Variants in ASIC2 observed in about 807,000 individuals in gnomAD.
ASIC2 encodes the protein acid sensing ion channel subunit 2, also known as acid-sensing ion channel 2.
ASIC2 carries 25 observed loss-of-function variants against 57.3 expected under a neutral mutation model. That is an observed-to-expected ratio of 0.44 (90% CI 0.32 to 0.61). The LOEUF is 0.61. Ranked by LOEUF, ASIC2 falls within the 20% of genes least tolerant of loss-of-function variation. The probability of loss-of-function intolerance (pLI) is 0.06; values close to 1 mark genes in which losing one functional copy is unlikely to be tolerated. For synonymous variants in ASIC2, 319 were observed against 307.5 expected (o/e 1.04, Z -0.39); for missense variants, 641 against 738.1 (o/e 0.87, Z 1.52).
intron 1 of ASIC2, among the ~76,000 whole-genome samples, chr17:34,119,866 G>C (rs1234221314): frequency 6.6e-6 from 1 of 152,156 alleles, no homozygotes; most frequent in East Asian, 1.9e-4. Flanking sequence ...GCCTGACATA[G>C]GGTGAGCACT....
chr17:33,770,995 C>A (rs1216313381), intron 1 of ASIC2, among the ~76,000 whole-genome samples: 1 of 152,158 alleles, frequency 6.6e-6, no homozygotes, highest in Non-Finnish European at 1.5e-5. Flanking sequence ...ACCACTACTG[C>A]TAAAGGGGAC....
chr17:33,841,185 C>A (rs1055074027), intron 1 of ASIC2, among the ~76,000 whole-genome samples: 1 of 152,164 alleles, frequency 6.6e-6, no homozygotes, highest in African/African-American at 2.4e-5. Context: ...CACTTGTGGG[C>A]AAGTTGTTGA....
intron 1 of ASIC2, among the ~76,000 whole-genome samples, chr17:33,126,856 C>CT (rs1159710708): frequency 0.044 from 3,730 of 85,160 alleles, 299 homozygotes; most frequent in East Asian, 0.082. Flanking sequence ...TACCATTACT[C>CT]TTTTTTTTTT....
At chr17:33,099,177 T>C (rs2092199673) in intron 2 of ASIC2, among the ~76,000 whole-genome samples, 1 of 151,236 alleles carries the variant, frequency 6.6e-6, no homozygotes. Flanking sequence ...TTTGTTGTTG[T>C]TGTTATTTTT....
intron 1 of ASIC2, among the ~76,000 whole-genome samples, chr17:34,026,385 C>T (rs1907379982): frequency 6.6e-6 from 1 of 152,068 alleles, no homozygotes; most frequent in African/African-American, 2.4e-5. Flanking sequence ...ACAGGCCTGG[C>T]CTGCATAGAT....
intron 1 of ASIC2, among the ~76,000 whole-genome samples, chr17:33,398,614 T>C (rs1202818268): frequency 6.6e-6 from 1 of 152,122 alleles, no homozygotes; most frequent in African/African-American, 2.4e-5. Flanking sequence ...ATGGTGATTA[T>C]GGTGATGATG....
intron 1 of ASIC2, among the ~76,000 whole-genome samples, chr17:33,545,920 G>A (rs1915560870): frequency 6.6e-6 from 1 of 152,020 alleles, no homozygotes; most frequent in African/African-American, 2.4e-5. Flanking sequence ...CAACTATTTG[G>A]TGTTCTCCAA....
intron 1 of ASIC2, among the ~76,000 whole-genome samples, chr17:33,331,212 C>G (rs896491884): frequency 1.3e-5 from 2 of 152,174 alleles, no homozygotes; most frequent in African/African-American, 4.8e-5. Context: ...ATCCCACAAC[C>G]ACCCACCCTG....
At chr17:33,131,752 C>G (rs1830379073) in intron 1 of ASIC2, 1 of 152,288 alleles carries the variant, frequency 6.6e-6, no homozygotes. Flanking sequence ...TGTTGGCAGG[C>G]AGAGGCCTCT....
chr17:33,060,811 T>C (rs1567730406), intron 3 of ASIC2, among the ~76,000 whole-genome samples: 2 of 152,180 alleles, frequency 1.3e-5, no homozygotes, highest in African/African-American at 4.8e-5. Flanking sequence ...TGTTCTTCCA[T>C]TTGTTTTTGT....
At chr17:33,218,023 T>C (rs1427231146) in intron 1 of ASIC2, among the ~76,000 whole-genome samples, 1 of 152,238 alleles carries the variant, frequency 6.6e-6, no homozygotes, top group African/African-American at 2.4e-5. Flanking sequence ...TATTTCTGTA[T>C]AGTAGTATGG....
chr17:33,608,759 G>T (rs1175726662), intron 1 of ASIC2, among the ~76,000 whole-genome samples: 2 of 152,112 alleles, frequency 1.3e-5, no homozygotes, highest in Non-Finnish European at 2.9e-5. Flanking sequence ...TATATAATAG[G>T]ATACAGAGCC....
intron 1 of ASIC2, chr17:34,038,215 C>T: frequency 1.2e-6 from 2 of 1,612,130 alleles, no homozygotes; most frequent in Non-Finnish European, 1.7e-6. Context: ...TTAAAGCATT[C>T]ACAATCTGCA....
At chr17:33,476,136 C>T (rs957781215) in intron 1 of ASIC2, among the ~76,000 whole-genome samples, 2 of 152,114 alleles carry the variant, frequency 1.3e-5, no homozygotes. Context: ...AACACTGTGC[C>T]AGTTCCATAG....
intron 1 of ASIC2, among the ~76,000 whole-genome samples, chr17:33,176,593 C>T (rs1401242672): frequency 6.6e-6 from 1 of 152,186 alleles, no homozygotes; most frequent in African/African-American, 2.4e-5. Context: ...ATTCTTCCTG[C>T]CTTGGCCTCC....
At chr17:34,019,211 TA>T (rs1414546560) in intron 1 of ASIC2, among the ~76,000 whole-genome samples, 289 of 152,224 alleles carry the variant, frequency 1.9e-3, no homozygotes, top group African/African-American at 6.7e-3. Context: ...CTGGCCAAAG[TA>T]GATTCTTGAG....
At chr17:33,284,282 A>T (rs1397018901) in intron 1 of ASIC2, among the ~76,000 whole-genome samples, 1 of 152,200 alleles carries the variant, frequency 6.6e-6, no homozygotes, top group Non-Finnish European at 1.5e-5. Context: ...GCTGGAACTC[A>T]GTTTGGCACC....
chr17:33,264,660 A>G (rs945555419), intron 1 of ASIC2, among the ~76,000 whole-genome samples: 3 of 152,194 alleles, frequency 2.0e-5, no homozygotes, highest in Non-Finnish European at 2.9e-5. Context: ...GAGCCAAGCG[A>G]TCAGTGCTTT....
At chr17:33,734,142 G>T (rs1202157335) in intron 1 of ASIC2, among the ~76,000 whole-genome samples, 1 of 152,102 alleles carries the variant, frequency 6.6e-6, no homozygotes, top group Non-Finnish European at 1.5e-5. Context: ...CAGGCTCTCT[G>T]CCTTCCCTCA....
Sources: allele counts gnomAD v4.1 joint callset (sites outside exome capture counted in the v4.1 genomes callset), GRCh38; gene constraint gnomAD v4.1.1; transcripts MANE v1.5; gene names NCBI Gene and HGNC (gene_info 2026-07-23, HGNC 2026-07-21).